Variants in SCAPER observed in about 807,000 individuals in gnomAD.
SCAPER encodes S-phase cyclin A associated protein in the ER.
Under a neutral mutation model 182.2 loss-of-function variants are expected in SCAPER, and 98 were observed. That is an observed-to-expected ratio of 0.54 (90% CI 0.46 to 0.64). The LOEUF is 0.64. Among genes scored for constraint, SCAPER ranks in the 30% least tolerant of loss-of-function variants. The pLI is 0.00. For missense variants in SCAPER, 1,432 were observed against 1,690.0 expected (o/e 0.85, Z 2.68); for synonymous variants, 605 against 564.6 (o/e 1.07, Z -1.01).
In SCAPER at chr15:76,606,439, A is replaced by C. The variant is rs142439281; in HGVS notation, c.2711+15325T>G. ...GCTGAAGAGTGCTTTACTTCCAACT[A>C]TGTGGTCAATTTGGGGTAGGTGTGG... On this transcript the variant is annotated intron_variant, in intron 22 of 31. Transcript: ENST00000563290. Among the ~76,000 whole-genome samples the C allele has an allele frequency of 9.0e-3, 1,372 of 152,234 alleles. 22 individuals are homozygous for C. The highest frequency in any genetic ancestry group is 0.032 in the African/African-American group (1,332 of 41,524).
intron 8 of SCAPER, among the ~76,000 whole-genome samples, chr15:76,787,235 C>T (rs2064676498): frequency 6.6e-6 from 1 of 152,072 alleles, no homozygotes; most frequent in Non-Finnish European, 1.5e-5. Flanking sequence ...TTAAGGCTTA[C>T]CACAGAGTTA....
intron 23 of SCAPER, among the ~76,000 whole-genome samples, chr15:76,556,605 C>A (rs1307804383): frequency 1.3e-5 from 2 of 152,104 alleles, no homozygotes; most frequent in Non-Finnish European, 2.9e-5. Context: ...CACCTCTATG[C>A]ACACAAACTA....
At chr15:76,782,468 T>C (rs2064226515) in intron 8 of SCAPER, among the ~76,000 whole-genome samples, 1 of 152,108 alleles carries the variant, frequency 6.6e-6, no homozygotes, top group South Asian at 2.1e-4. Flanking sequence ...ATTAGACAGA[T>C]CAATGAGACA....
At chr15:76,866,908 G>A (rs900033603) in intron 2 of SCAPER, among the ~76,000 whole-genome samples, 1 of 152,054 alleles carries the variant, frequency 6.6e-6, no homozygotes, top group Non-Finnish European at 1.5e-5. Context: ...CAAAGTCACA[G>A]TGTGCCACCT....
At chr15:76,876,017 C>T (rs1241717520) in intron 2 of SCAPER, among the ~76,000 whole-genome samples, 1 of 152,220 alleles carries the variant, frequency 6.6e-6, no homozygotes, top group Non-Finnish European at 1.5e-5. Context: ...GAGCGCAGCG[C>T]CAGTCGGCCG....
intron 17 of SCAPER, among the ~76,000 whole-genome samples, chr15:76,712,325 G>A (rs1455616985): frequency 2.6e-5 from 4 of 152,140 alleles, no homozygotes; most frequent in Non-Finnish European, 5.9e-5. Context: ...GTACCATGCT[G>A]TTTTGGTTAT....
chr15:76,537,433 T>C (rs1186059980), intron 23 of SCAPER, among the ~76,000 whole-genome samples: 1 of 152,194 alleles, frequency 6.6e-6, no homozygotes, highest in Non-Finnish European at 1.5e-5. Flanking sequence ...AACTATCTGA[T>C]CTTTGACAAA....
intron 24 of SCAPER, among the ~76,000 whole-genome samples, chr15:76,475,355 CT>C (rs1350279947): frequency 6.7e-5 from 10 of 150,124 alleles, no homozygotes; most frequent in African/African-American, 2.5e-4. Flanking sequence ...AAGGTGGAGT[CT>C]TGCTCTGTTG....
chr15:76,822,490 T>C (rs1402436835), intron 5 of SCAPER, among the ~76,000 whole-genome samples: 2 of 152,366 alleles, frequency 1.3e-5, no homozygotes, highest in Non-Finnish European at 2.9e-5. Flanking sequence ...ATGGGTTATC[T>C]GCCTTCTGTT....
chr15:76,575,309 C>T (rs1499019), intron 22 of SCAPER, among the ~76,000 whole-genome samples: 147,575 of 152,212 alleles, frequency 0.97, 71,690 homozygotes, highest in South Asian at 1. Flanking sequence ...ATTAAATCTC[C>T]CTAGGGTGTT....
chr15:76,774,921 A>G lies in SCAPER; in HGVS notation c.969T>C (p.Asn323=). ...KGQFVGDGTS[N]TIESHPKDSL... is the part of the protein sequence containing the mutation. ...AGTCTTTGGGATGAGATTCTATAGT[A>G]TTAGAAGTTCCATCTCCAACAAATT... is the stretch of plus-strand genomic sequence containing the variant. Residue 323 remains asparagine (N), a synonymous_variant, in exon 9 of 32, where the codon AAT becomes AAC. Coordinates refer to ENST00000563290, the MANE Select transcript of SCAPER (RefSeq NM_020843.4). 2 of 1,613,680 alleles carry G rather than the reference A, an allele frequency of 1.2e-6. No individual in the cohort carries two copies. Among genetic ancestry groups the G allele is most frequent in the African/African-American group, 1.3e-5 (1 of 75,030 alleles).
intron 23 of SCAPER, among the ~76,000 whole-genome samples, chr15:76,526,932 C>T (rs950700954): frequency 7.9e-5 from 12 of 151,822 alleles, no homozygotes; most frequent in African/African-American, 1.9e-4. Flanking sequence ...AGTGCAGTCG[C>T]GCGATCTTGG....
intron 4 of SCAPER, among the ~76,000 whole-genome samples, chr15:76,842,620 C>T (rs1480831040): frequency 2.0e-5 from 3 of 152,148 alleles, no homozygotes; most frequent in African/African-American, 7.2e-5. Context: ...AGTATGAAAA[C>T]AGACTAATAC....
chr15:76,745,146 G>C (rs1176878309), intron 15 of SCAPER, among the ~76,000 whole-genome samples: 1 of 152,014 alleles, frequency 6.6e-6, no homozygotes, highest in Non-Finnish European at 1.5e-5. Flanking sequence ...AAGTAGAGAG[G>C]GAAGGGAGAG....
At chr15:76,725,197 A>C (rs1256113345) in intron 17 of SCAPER, among the ~76,000 whole-genome samples, 1 of 152,160 alleles carries the variant, frequency 6.6e-6, no homozygotes, top group African/African-American at 2.4e-5. Flanking sequence ...AAATGTGTAC[A>C]AAAAATAAAA....
chr15:76,860,374 C>A (rs111530764), intron 3 of SCAPER, among the ~76,000 whole-genome samples: 19 of 152,050 alleles, frequency 1.2e-4, no homozygotes, highest in African/African-American at 4.6e-4. Context: ...AAAGATAAAT[C>A]CAATTTTCCC....
intron 24 of SCAPER, 37 bp from the exon 25 acceptor site, chr15:76,471,372 A>AGCAG (rs776057385): frequency 2.5e-6 from 4 of 1,575,526 alleles, no homozygotes; most frequent in Non-Finnish European, 1.7e-6. Context: ...ATAAAACCCG[A>AGCAG]GCAGCTCTTC....
At chr15:76,873,825 G>C (rs1378716093) in intron 2 of SCAPER, among the ~76,000 whole-genome samples, 1 of 151,914 alleles carries the variant, frequency 6.6e-6, no homozygotes, top group African/African-American at 2.4e-5. Flanking sequence ...TCAAAGTATA[G>C]AAAGTAAAAA....
intron 20 of SCAPER, among the ~76,000 whole-genome samples, chr15:76,695,915 A>G (rs994279124): frequency 2.6e-5 from 4 of 152,216 alleles, no homozygotes; most frequent in Non-Finnish European, 4.4e-5. Context: ...AGAAAGTGTA[A>G]TATGTTTTAA....
Sources: allele counts gnomAD v4.1 joint callset (sites outside exome capture counted in the v4.1 genomes callset), GRCh38; gene constraint gnomAD v4.1.1; transcripts MANE v1.5; gene names NCBI Gene and HGNC (gene_info 2026-07-23, HGNC 2026-07-21).